Variants in TAB2 observed in about 807,000 individuals in gnomAD.
TAB2 encodes TGF-beta-activated kinase 1 and MAP3K7-binding protein 2.
In TAB2, 3 loss-of-function variants were observed where a neutral mutation model predicts 65.0. That is an observed-to-expected ratio of 0.05 (90% CI 0.02 to 0.12). The LOEUF (loss-of-function observed/expected upper bound fraction) is 0.12, where lower values mean the gene tolerates loss of function less well. TAB2 is among the 10% of genes least tolerant of loss of function. The pLI, the probability that TAB2 is intolerant of heterozygous loss-of-function variation, is 1.00. For synonymous variants in TAB2, 298 were observed against 285.1 expected (o/e 1.05, Z -0.46); for missense variants, 623 against 840.3 (o/e 0.74, Z 3.20).
At chr6:149,309,660 G>A (rs968088352) in intron 1 of TAB2, among the ~76,000 whole-genome samples, 1 of 151,840 alleles carries the variant, frequency 6.6e-6, no homozygotes, top group Admixed American at 6.6e-5. Flanking sequence ...GCCTCCCAAA[G>A]TGCTGGGATT....
intron 1 of TAB2, among the ~76,000 whole-genome samples, chr6:149,266,225 C>T (rs560149746): frequency 1.9e-4 from 29 of 152,266 alleles, no homozygotes; most frequent in Non-Finnish European, 3.5e-4. Flanking sequence ...TGTGTGAAAT[C>T]TCGCAAAAAG....
chr6:149,274,778 C>T (rs1244821509), intron 1 of TAB2, among the ~76,000 whole-genome samples: 2 of 152,174 alleles, frequency 1.3e-5, no homozygotes, highest in African/African-American at 2.4e-5. Context: ...GTGGGGGCTG[C>T]ACTTATACCC....
intron 1 of TAB2, among the ~76,000 whole-genome samples, chr6:149,323,371 T>G (rs1562415246): frequency 6.6e-6 from 1 of 152,100 alleles, no homozygotes; most frequent in African/African-American, 2.4e-5. Context: ...TAGCAGTTTT[T>G]AAAAGAGTAG....
chr6:149,402,805 C>T (rs74500472), intron 6 of TAB2, among the ~76,000 whole-genome samples: 36 of 152,240 alleles, frequency 2.4e-4, no homozygotes, highest in Admixed American at 2.2e-3. Context: ...ATCTCTGGGA[C>T]TTAAGGATGG....
At chr6:149,391,263 G>A (rs1441794409) in intron 3 of TAB2, among the ~76,000 whole-genome samples, 1 of 151,474 alleles carries the variant, frequency 6.6e-6, no homozygotes, top group Non-Finnish European at 1.5e-5. Flanking sequence ...TTTTCTTTCT[G>A]GAAATTTTTA....
chr6:149,357,430 A>AAACACACACACACAC lies in TAB2; in HGVS notation c.-89-12478_-89-12477insACACACACACACACA. On this transcript the variant is annotated intron_variant, in intron 1 of 6. Coordinates refer to ENST00000637181, the MANE Select transcript of TAB2 (RefSeq NM_001292034.3). ...GACTCCGTCTCAAGGAGAAAAAAAA[A>AAACACACACACACAC]ACACACACACACACACACACACACA... is the stretch of plus-strand genomic sequence containing the variant. 1.3e-3 allele frequency among the ~76,000 whole-genome samples: 142 copies of AAACACACACACACAC among 111,168 alleles called. 2 individuals carry two copies. Among genetic ancestry groups the AAACACACACACACAC allele is most frequent in the South Asian group, 3.5e-3 (10 of 2,866 alleles). The allele number at this position is 111,168 out of a possible 152,430, so 72.9% of individuals were successfully genotyped here.
intron 3 of TAB2, among the ~76,000 whole-genome samples, chr6:149,382,971 G>C (rs1349976532): frequency 6.6e-6 from 1 of 152,030 alleles, no homozygotes; most frequent in Non-Finnish European, 1.5e-5. Context: ...GGCCAACATG[G>C]TGAAACAACA....
chr6:149,330,194 T>C (rs997699738), intron 1 of TAB2, among the ~76,000 whole-genome samples: 2 of 152,194 alleles, frequency 1.3e-5, no homozygotes, highest in Non-Finnish European at 2.9e-5. Context: ...TACCATTGTA[T>C]GGATATACCA....
chr6:149,276,630 A>G (rs1778479030), intron 1 of TAB2, among the ~76,000 whole-genome samples: 1 of 152,244 alleles, frequency 6.6e-6, no homozygotes, highest in South Asian at 2.1e-4. Context: ...ATAAAGTGGA[A>G]TAGTATTTTT....
chr6:149,339,196 C>G (rs1780025005), intron 1 of TAB2, among the ~76,000 whole-genome samples: 1 of 152,018 alleles, frequency 6.6e-6, no homozygotes, highest in South Asian at 2.1e-4. Context: ...AAACTTGGCT[C>G]TACTAAAAAT....
chr6:149,295,404 T>G (rs1413697341), intron 1 of TAB2, among the ~76,000 whole-genome samples: 1 of 152,244 alleles, frequency 6.6e-6, no homozygotes, highest in Non-Finnish European at 1.5e-5. Context: ...TCATCTGTAA[T>G]CTGTGAATTG....
intron 6 of TAB2, among the ~76,000 whole-genome samples, chr6:149,405,928 G>A (rs237019): frequency 0.57 from 86,488 of 152,020 alleles, 25,486 homozygotes; most frequent in African/African-American, 0.72. Context: ...GATAAGCTAT[G>A]TGAGGTGTTG....
intron 1 of TAB2, among the ~76,000 whole-genome samples, chr6:149,367,580 C>T (rs1781081334): frequency 6.6e-6 from 1 of 152,040 alleles, no homozygotes; most frequent in Non-Finnish European, 1.5e-5. Flanking sequence ...GATCACGCCG[C>T]TCAGTAAAGA....
intron 6 of TAB2, among the ~76,000 whole-genome samples, chr6:149,403,291 C>CAT (rs1363409778): frequency 2.2e-4 from 18 of 83,564 alleles, no homozygotes; most frequent in African/African-American, 9.1e-4. Context: ...TATACACACA[C>CAT]ACACATATAT....
At chr6:149,294,604 A>G (rs1173054875) in intron 1 of TAB2, among the ~76,000 whole-genome samples, 1 of 152,252 alleles carries the variant, frequency 6.6e-6, no homozygotes, top group East Asian at 1.9e-4. Context: ...TGGTTAAATT[A>G]TAGCTTCTTC....
At chr6:149,303,340 C>G (rs1282424444) in intron 1 of TAB2, among the ~76,000 whole-genome samples, 1 of 152,174 alleles carries the variant, frequency 6.6e-6, no homozygotes, top group East Asian at 1.9e-4. Context: ...TCCACAAAAC[C>G]GGTCCCTAGT....
chr6:149,396,945 C>G (rs1305011964), intron 3 of TAB2, among the ~76,000 whole-genome samples: 1 of 152,126 alleles, frequency 6.6e-6, no homozygotes, highest in Admixed American at 6.5e-5. Context: ...ATGACAAACT[C>G]TGAAGTAAGA....
chr6:149,394,624 A>C (rs1394343970), intron 3 of TAB2, among the ~76,000 whole-genome samples: 1 of 152,170 alleles, frequency 6.6e-6, no homozygotes, highest in Non-Finnish European at 1.5e-5. Flanking sequence ...CAATTTAGTC[A>C]GGAGTGGAGC....
chr6:149,308,718 G>A (rs1779114007), intron 1 of TAB2, among the ~76,000 whole-genome samples: 1 of 151,974 alleles, frequency 6.6e-6, no homozygotes, highest in Non-Finnish European at 1.5e-5. Flanking sequence ...AGTAGAGAGA[G>A]GGTTTCACCA....
Sources: gnomAD v4.1 joint callset for allele counts (sites outside exome capture counted in the v4.1 genomes callset) on GRCh38, gnomAD v4.1.1 for gene constraint, MANE v1.5 for transcripts, NCBI Gene and HGNC (gene_info 2026-07-23, HGNC 2026-07-21) for gene names.